Variants in HCN2 observed in about 807,000 individuals in gnomAD.
HCN2 encodes the protein hyperpolarization activated cyclic nucleotide gated potassium and sodium channel 2, also known as potassium/sodium hyperpolarization-activated cyclic nucleotide-gated channel 2.
A neutral mutation model predicts 52.3 loss-of-function variants in HCN2; 20 were observed. The observed-to-expected ratio is 0.38, with a 90% CI of 0.27 to 0.56. The LOEUF is 0.56. Ranked by LOEUF, HCN2 falls within the 20% of genes least tolerant of loss-of-function variation. The probability of loss-of-function intolerance (pLI) is 0.71; values close to 1 mark genes in which losing one functional copy is unlikely to be tolerated. For missense variants in HCN2, 981 were observed against 1,207.7 expected (o/e 0.81, Z 2.78); for synonymous variants, 694 against 537.0 (o/e 1.29, Z -4.04).
rs538054161 is a variant in HCN2, at chr19:598,496, G to C, written c.633-5048G>C. 1.2e-4 allele frequency among the ~76,000 whole-genome samples: 18 copies of C among 152,106 alleles called. 1 individual carries two copies. The South Asian group carries it at 3.5e-3, about 30-fold the overall frequency. On this transcript the variant is annotated intron_variant, in intron 1 of 7. Coordinates refer to ENST00000251287, the MANE Select transcript of HCN2 (RefSeq NM_001194.4). ...AATTTTTGTATTTTTTGTAGAGACG[G>C]GATCTCACTATCTTGCCCAGGCTGG...
At chr19:601,863 T>G (rs976014333) in intron 1 of HCN2, among the ~76,000 whole-genome samples, 1 of 151,858 alleles carries the variant, frequency 6.6e-6, no homozygotes, top group African/African-American at 2.4e-5. Flanking sequence ...GGACCTTTTC[T>G]GCCAGAGCTT....
chr19:594,643 G>A (rs1427655777), intron 1 of HCN2, among the ~76,000 whole-genome samples: 5 of 152,298 alleles, frequency 3.3e-5, no homozygotes, highest in East Asian at 1.9e-4. Flanking sequence ...CTGCAAATCC[G>A]CAGTGATGAA....
Position 608,008 on chromosome 19 carries a change from C to A in HCN2, c.1263C>A (p.Ala421=). The A allele has an allele frequency of 1.9e-6, 3 of 1,612,996 alleles. No homozygotes were observed. Among genetic ancestry groups the A allele is most frequent in the Non-Finnish European group, 2.5e-6 (3 of 1,180,024 alleles). The change falls in exon 4 of 8, where the codon GCC becomes GCA. Residue 421 remains alanine (A), a synonymous_variant. Coordinates refer to ENST00000251287, the MANE Select transcript of HCN2 (RefSeq NM_001194.4). The part of the protein sequence containing the change: ...SELYSFALFK[A]MSHMLCIGYG... ...TGTACTCCTTCGCACTCTTCAAGGC[C>A]ATGAGCCACATGCTGTGCATCGGGT... is the stretch of plus-strand genomic sequence containing the variant.
In HCN2 at chr19:602,587, C is replaced by T. The variant is rs556232011; in HGVS notation, c.633-957C>T. Among the ~76,000 whole-genome samples, 20 of 152,324 alleles carry T rather than the reference C, an allele frequency of 1.3e-4. No homozygotes were observed. The East Asian group carries it at 2.5e-3, about 19-fold the overall frequency. ...CGGTTCATTTCCCACCCTGGCTTCC[C>T]GCCTTCGCTCTCCCTGTGCGCGCCG... On this transcript the variant is annotated intron_variant, in intron 1 of 7. Transcript: ENST00000251287.
Position 616,684 on chromosome 19 carries a change from C to A in HCN2, c.*210C>A. 1 of 238,558 alleles carries A rather than the reference C, an allele frequency of 4.2e-6. No homozygotes were observed. Among genetic ancestry groups the A allele is most frequent in the Non-Finnish European group, 8.0e-6 (1 of 125,354 alleles). The allele number at this position is 238,558 out of a possible 1,614,324, so 14.8% of individuals were successfully genotyped here. A position where few individuals can be genotyped will look rare whatever the true frequency, so the allele number is the denominator to read the frequency against. ...CCCCTCATCGCCCCGCGCCCACCCCCATCGCCCCTGCCCCCGGCGGCGGCC... is the reference window on the plus strand; with the variant it reads ...CCCCTCATCGCCCCGCGCCCACCCCAATCGCCCCTGCCCCCGGCGGCGGCC... On this transcript the variant is annotated 3_prime_UTR_variant, in exon 8 of 8. Transcript: ENST00000251287.
chr19:597,360 T>C (rs1445644198), intron 1 of HCN2, among the ~76,000 whole-genome samples: 1 of 152,192 alleles, frequency 6.6e-6, no homozygotes, highest in Non-Finnish European at 1.5e-5. Flanking sequence ...TGCCCCCAGC[T>C]CACCCCAAGA....
chr19:598,110 G>A (rs932208501), intron 1 of HCN2, among the ~76,000 whole-genome samples: 12 of 152,218 alleles, frequency 7.9e-5, no homozygotes, highest in Admixed American at 5.9e-4. Flanking sequence ...AGCGGCAGGC[G>A]GGTGGCATCC....
intron 3 of HCN2, 67 bp from the exon 4 acceptor site, chr19:607,897 C>A (rs1401765206): frequency 3.8e-6 from 5 of 1,299,362 alleles, no homozygotes; most frequent in Non-Finnish European, 5.4e-6. Context: ...GCGCTGGGCC[C>A]TTGAGGACCG....
chr19:599,117 G>T lies in HCN2; in HGVS notation c.633-4427G>T, dbSNP rs1248861678. 2.0e-5 allele frequency among the ~76,000 whole-genome samples: 3 copies of T among 152,228 alleles called. No homozygotes were observed. The East Asian group carries it at 5.8e-4, about 29-fold the overall frequency. ...GATGCCACCACGATGTGAGTCGCTG[G>T]GTCCCTTCCAGCGTTTGGCTCTTGC... On this transcript the variant is annotated intron_variant, in intron 1 of 7. Coordinates refer to ENST00000251287, the MANE Select transcript of HCN2 (RefSeq NM_001194.4).
chr19:594,660 C>T (rs1040022781), intron 1 of HCN2, among the ~76,000 whole-genome samples: 5 of 152,148 alleles, frequency 3.3e-5, no homozygotes, highest in African/African-American at 4.8e-5. Flanking sequence ...TGAATCCCAG[C>T]ATTAGGGCGT....
chr19:601,245 G>A (rs189667856), intron 1 of HCN2, among the ~76,000 whole-genome samples: 84 of 152,282 alleles, frequency 5.5e-4, no homozygotes, highest in African/African-American at 1.6e-3. Context: ...CTTGGGAGGC[G>A]GAGGTGGCAG....
chr19:601,739 G>A (rs563259585), intron 1 of HCN2, among the ~76,000 whole-genome samples: 31 of 151,990 alleles, frequency 2.0e-4, no homozygotes, highest in African/African-American at 6.3e-4. Flanking sequence ...TCTCGATAGC[G>A]AAAGGGTTGG....
intron 1 of HCN2, among the ~76,000 whole-genome samples, chr19:599,776 A>G (rs1983145441): frequency 6.6e-6 from 1 of 151,790 alleles, no homozygotes; most frequent in African/African-American, 2.4e-5. Flanking sequence ...CGACAGAGTG[A>G]GACTCTGTCT....
Position 590,077 on chromosome 19 carries a change from C to T in HCN2, c.132C>T (p.Pro44=), listed in dbSNP as rs1440605905. The change falls in exon 1 of 8, where the codon CCC becomes CCT. Residue 44 remains proline, a synonymous_variant. Coordinates refer to ENST00000251287, the MANE Select transcript of HCN2 (RefSeq NM_001194.4). The surrounding 1 kb of genome is among the most constrained non-coding windows in gnomAD (Gnocchi z 7.2). The stretch of plus-strand genomic sequence containing the variant: ...CGCCGCCGCCGCCGCCCGCGCCCCC[C>T]CCGGGCCCCGGGCCCGCGCCCCCCC... ...QPPPPPPPAP[P]PGPGPAPPQH... The T allele has an allele frequency of 3.4e-6, 2 of 589,194 alleles. No individual in the cohort carries two copies. Among genetic ancestry groups the T allele is most frequent in the Non-Finnish European group, 4.2e-6 (2 of 475,560 alleles). The allele number at this position is 589,194 out of a possible 1,614,324, so 36.5% of individuals were successfully genotyped here. A position where few individuals can be genotyped will look rare whatever the true frequency, so the allele number is the denominator to read the frequency against.
At chr19:593,490 A>G (rs11882728) in intron 1 of HCN2, among the ~76,000 whole-genome samples, 48,128 of 151,970 alleles carry the variant, frequency 0.32, 9,475 homozygotes, top group African/African-American at 0.57. Context: ...CATCGTGACG[A>G]GCGCCTGTAA....
At chr19:596,586 G>C (rs534332924) in intron 1 of HCN2, among the ~76,000 whole-genome samples, 3 of 152,362 alleles carry the variant, frequency 2.0e-5, no homozygotes, top group African/African-American at 7.2e-5. Flanking sequence ...AGGATTTAAT[G>C]ATGGTCACTG....
At chr19:614,884 C>T (rs1489210956) in intron 7 of HCN2, among the ~76,000 whole-genome samples, 4 of 152,082 alleles carry the variant, frequency 2.6e-5, no homozygotes, top group Non-Finnish European at 4.4e-5. Context: ...GATGGCGGCT[C>T]ATGCTGCTGT....
At chr19:610,499 G>A in intron 5 of HCN2, 94 bp downstream of exon 5, 1 of 1,146,534 alleles carries the variant, frequency 8.7e-7, no homozygotes, top group Non-Finnish European at 1.3e-6. Context: ...AGGGAGGCGA[G>A]GTGCCTAGGC....
intron 1 of HCN2, among the ~76,000 whole-genome samples, chr19:601,437 G>A (rs192636797): frequency 2.0e-3 from 311 of 152,280 alleles, no homozygotes; most frequent in African/African-American, 7.1e-3. Flanking sequence ...GACGGGTCGC[G>A]CCGTGTTTGT....
Sources: allele counts gnomAD v4.1 joint callset (sites outside exome capture counted in the v4.1 genomes callset), GRCh38; gene constraint gnomAD v4.1.1; non-coding constraint Gnocchi (gnomAD v3.1); transcripts MANE v1.5; gene names NCBI Gene and HGNC (gene_info 2026-07-23, HGNC 2026-07-21).